RBMS3: variants seen among roughly 807,000 people sequenced by gnomAD.
The protein encoded by RBMS3 is RNA-binding motif, single-stranded-interacting protein 3.
In RBMS3, 27 loss-of-function variants were observed where a neutral mutation model predicts 66.8. The ratio of observed to expected loss-of-function variants is 0.40; its 90% CI spans 0.30 to 0.56. The LOEUF (loss-of-function observed/expected upper bound fraction) is 0.56, where lower values mean the gene tolerates loss of function less well. RBMS3 is among the 20% of genes least tolerant of loss of function. The pLI, the probability that RBMS3 is intolerant of heterozygous loss-of-function variation, is 0.40. For synonymous variants in RBMS3, 188 were observed against 183.0 expected, an observed-to-expected ratio of 1.03 and a Z score of -0.22; for missense variants, 513 against 549.5, an observed-to-expected ratio of 0.93 and a Z score of 0.66.
chr3:29,663,750 C>CT (rs964568146), intron 4 of RBMS3, among the ~76,000 whole-genome samples: 3 of 139,234 alleles, frequency 2.2e-5, no homozygotes, highest in African/African-American at 5.0e-5. Context: ...TAGATTGTTT[C>CT]TTTTTTAAAA....
At chr3:29,676,392 T>C (rs764229309) in intron 4 of RBMS3, among the ~76,000 whole-genome samples, 13 of 152,202 alleles carry the variant, frequency 8.5e-5, no homozygotes, top group Non-Finnish European at 1.8e-4. Flanking sequence ...ACCTGCACGT[T>C]GTGCACATGT....
chr3:29,821,803 T>G (rs4680731), intron 6 of RBMS3, among the ~76,000 whole-genome samples: 64,924 of 151,956 alleles, frequency 0.43, 14,427 homozygotes, highest in Non-Finnish European at 0.47. Context: ...AAATATGTTT[T>G]CAGAATATCA....
At chr3:29,327,834 A>G (rs974631326) in intron 1 of RBMS3, among the ~76,000 whole-genome samples, 10 of 152,192 alleles carry the variant, frequency 6.6e-5, no homozygotes, top group South Asian at 2.1e-4. Flanking sequence ...CACTATTGCC[A>G]TTTCAGTTCA....
intron 1 of RBMS3, among the ~76,000 whole-genome samples, chr3:29,362,670 C>A (rs1313694167): frequency 1.3e-5 from 2 of 152,148 alleles, no homozygotes; most frequent in Non-Finnish European, 2.9e-5. Flanking sequence ...GGATGGAGTA[C>A]CCACAATTTT....
intron 3 of RBMS3, among the ~76,000 whole-genome samples, chr3:29,529,996 G>A (rs140115981): frequency 3.4e-4 from 52 of 152,224 alleles, no homozygotes; most frequent in African/African-American, 1.2e-3. Flanking sequence ...ATGCTTTATT[G>A]GATAGTAAGT....
At chr3:29,941,228 A>C (rs147581643) in intron 11 of RBMS3, among the ~76,000 whole-genome samples, 1 of 151,830 alleles carries the variant, frequency 6.6e-6, no homozygotes, top group Admixed American at 6.6e-5. Context: ...TTGTCCCCAC[A>C]GTTCTCTAGC....
intron 4 of RBMS3, among the ~76,000 whole-genome samples, chr3:29,666,458 A>C (rs1032909239): frequency 6.6e-6 from 1 of 152,166 alleles, no homozygotes; most frequent in African/African-American, 2.4e-5. Flanking sequence ...CATTTACTGC[A>C]TCTTATATTT....
intron 10 of RBMS3, among the ~76,000 whole-genome samples, chr3:29,910,425 G>T (rs2060487170): frequency 1.3e-5 from 2 of 152,040 alleles, no homozygotes; most frequent in African/African-American, 2.4e-5. Context: ...AAGTATTTGG[G>T]TATTCATTAA....
At chr3:29,409,564 G>A (rs2040179838) in intron 1 of RBMS3, among the ~76,000 whole-genome samples, 1 of 152,248 alleles carries the variant, frequency 6.6e-6, no homozygotes, top group Non-Finnish European at 1.5e-5. Context: ...AAAAGGCTGA[G>A]TAGTTGGGTT....
At chr3:29,974,545 T>C (rs1437525555) in intron 12 of RBMS3, among the ~76,000 whole-genome samples, 2 of 151,732 alleles carry the variant, frequency 1.3e-5, no homozygotes, top group Non-Finnish European at 2.9e-5. Context: ...ATCATCCACA[T>C]CAACATATAA....
At chr3:29,480,314 T>C (rs573285646) in intron 2 of RBMS3, among the ~76,000 whole-genome samples, 1 of 152,326 alleles carries the variant, frequency 6.6e-6, no homozygotes, top group East Asian at 1.9e-4. Context: ...CACCCAGATG[T>C]TCCAATGCAC....
chr3:29,979,925 A>G (rs1480227543), intron 12 of RBMS3, among the ~76,000 whole-genome samples: 1 of 152,212 alleles, frequency 6.6e-6, no homozygotes, highest in East Asian at 1.9e-4. Flanking sequence ...CAGTAGAAAG[A>G]TTTATAATCC....
At position 30,003,895 on chromosome 3, in the gene RBMS3, C is replaced by A; in HGVS notation, c.*33C>A. On this transcript the variant is annotated 3_prime_UTR_variant, in exon 15 of 15. Coordinates refer to ENST00000383767, the MANE Select transcript of RBMS3 (RefSeq NM_001003793.3). ...TGAAGAATGTCTGTCTGAATCTTTG[C>A]CTTGAATGAAGAAACTTCATTGAAC... The A allele has an allele frequency of 6.9e-7, 1 of 1,439,012 alleles. No individual in the cohort carries two copies. Among genetic ancestry groups the A allele is most frequent in the Non-Finnish European group, 9.2e-7 (1 of 1,086,498 alleles). 89.1% of individuals were successfully genotyped at this position (1,439,012 alleles called of 1,614,324 possible).
chr3:29,776,080 T>C (rs2056416906), intron 6 of RBMS3, among the ~76,000 whole-genome samples: 1 of 152,062 alleles, frequency 6.6e-6, no homozygotes, highest in South Asian at 2.1e-4. Context: ...TTACATCATT[T>C]AACAGCCCCT....
At chr3:29,368,976 C>T (rs2038049611) in intron 1 of RBMS3, among the ~76,000 whole-genome samples, 1 of 152,044 alleles carries the variant, frequency 6.6e-6, no homozygotes. Context: ...GAGTACTGTG[C>T]AGGCATAAAA....
intron 1 of RBMS3, among the ~76,000 whole-genome samples, chr3:29,306,383 C>A (rs890032047): frequency 6.6e-6 from 1 of 151,904 alleles, no homozygotes; most frequent in African/African-American, 2.4e-5. Flanking sequence ...ATCCTCAGAC[C>A]TTCTCTTGCT....
intron 2 of RBMS3, among the ~76,000 whole-genome samples, chr3:29,471,718 GTTT>G (rs397793236): frequency 4.2e-3 from 298 of 71,172 alleles, no homozygotes; most frequent in African/African-American, 0.017. Context: ...TGAGGACTTA[GTTT>G]TTTTTTTTTT....
intron 1 of RBMS3, among the ~76,000 whole-genome samples, chr3:29,383,750 T>C (rs2038876214): frequency 6.6e-6 from 1 of 152,214 alleles, no homozygotes; most frequent in Non-Finnish European, 1.5e-5. Flanking sequence ...ACTCTGACTA[T>C]CCAGGTTCAA....
intron 4 of RBMS3, among the ~76,000 whole-genome samples, chr3:29,649,510 C>T (rs1000294208): frequency 6.6e-6 from 1 of 152,158 alleles, no homozygotes; most frequent in African/African-American, 2.4e-5. Flanking sequence ...TGAAGGTGTG[C>T]ATTACTTAGG....
Sources: gnomAD v4.1 joint callset for allele counts (sites outside exome capture counted in the v4.1 genomes callset) on GRCh38, gnomAD v4.1.1 for gene constraint, MANE v1.5 for transcripts, NCBI Gene and HGNC (gene_info 2026-07-23, HGNC 2026-07-21) for gene names.